The following FAM110A variants were observed in gnomAD, a reference collection of about 807,000 sequenced individuals.
The protein encoded by FAM110A is protein FAM110A.
In FAM110A, 1 loss-of-function variant was observed where a neutral mutation model predicts 4.0. The ratio of observed to expected loss-of-function variants is 0.25; its 90% CI spans 0.09 to 1.20. FAM110A has a LOEUF of 1.20. Ranked by LOEUF, FAM110A falls within the 50% of genes most tolerant of loss-of-function variation. The pLI, the probability that FAM110A is intolerant of heterozygous loss-of-function variation, is 0.50. For missense variants in FAM110A, 436 were observed against 429.2 expected (o/e 1.02, Z -0.14); for synonymous variants, 217 against 196.8 (o/e 1.10, Z -0.86).
chr20:834,480 C>G lies in FAM110A; in HGVS notation c.-98+529C>G, dbSNP rs1261740848. Among the ~76,000 whole-genome samples, 1 of 152,206 alleles carries G rather than the reference C, an allele frequency of 6.6e-6. No individual in the cohort carries two copies. Among genetic ancestry groups the G allele is most frequent in the East Asian group, 1.9e-4 (1 of 5,190 alleles). ...CCGCTGCTGGCCTCTTGGGAATCAT[C>G]CCCAGTTTGGGGAAGGGAATAGAGC... On this transcript the variant is annotated intron_variant, in intron 1 of 1. Transcript: ENST00000381941. The surrounding 1 kb of genome is among the most constrained non-coding windows in gnomAD (Gnocchi z 5.6).
At chr20:843,377 G>T (rs544419210) in intron 1 of FAM110A, among the ~76,000 whole-genome samples, 64 of 152,304 alleles carry the variant, frequency 4.2e-4, no homozygotes, top group Non-Finnish European at 3.2e-4. Flanking sequence ...ACCATGGATG[G>T]AAATGCTGTA....
chr20:837,320 G>C (rs1468240128), intron 1 of FAM110A, among the ~76,000 whole-genome samples: 2 of 152,104 alleles, frequency 1.3e-5, no homozygotes, highest in African/African-American at 4.8e-5. Context: ...AAAGTGCTGG[G>C]ATTACAGGCT....
At chr20:841,668 T>C (rs1385672306) in intron 1 of FAM110A, among the ~76,000 whole-genome samples, 1 of 151,998 alleles carries the variant, frequency 6.6e-6, no homozygotes, top group Non-Finnish European at 1.5e-5. Context: ...CAGGTGGGGA[T>C]GCGCGCCCCC....
rs1980322014 is a variant in FAM110A at position 845,838 on chromosome 20, G to C, written c.*146G>C. The C allele has an allele frequency of 6.9e-7, 1 of 1,453,528 alleles. No homozygotes were observed. Among genetic ancestry groups the C allele is most frequent in the African/African-American group, 1.4e-5 (1 of 70,020 alleles). 90.0% of individuals were successfully genotyped at this position (1,453,528 alleles called of 1,614,324 possible). On this transcript the variant is annotated 3_prime_UTR_variant, in exon 2 of 2. Transcript: ENST00000381941. ...GTATGGAGGCAAAGGCTTAGAGGCTGGACCAGCATTGTTGGGCAAGGACTG... is the reference window on the plus strand; with the variant it reads ...GTATGGAGGCAAAGGCTTAGAGGCTCGACCAGCATTGTTGGGCAAGGACTG...
rs776413924 is a variant in FAM110A at position 845,347 on chromosome 20, G to A, written c.543G>A (p.Pro181=). 1.9e-6 allele frequency: 3 copies of A among 1,596,724 alleles called. No individual in the cohort carries two copies. Among genetic ancestry groups the A allele is most frequent in the African/African-American group, 1.3e-5 (1 of 74,660 alleles). ...GPAAASSPAR[P]PGLQRSKSDL... is the part of the protein sequence containing the mutation. ...CCGCCGCCTCCAGCCCAGCCCGGCC[G>A]CCGGGTTTGCAACGCTCCAAGTCGG... The change falls in exon 2 of 2, where the codon CCG becomes CCA. Residue 181 remains proline (P), a synonymous_variant. Transcript: ENST00000381941.
intron 1 of FAM110A, among the ~76,000 whole-genome samples, chr20:837,098 G>A (rs2122652539): frequency 6.9e-6 from 1 of 145,706 alleles, no homozygotes; most frequent in African/African-American, 2.6e-5. Context: ...TGTCGCCCAG[G>A]CTGGAGTGCA....
At chr20:839,842 T>C (rs1600007529) in intron 1 of FAM110A, 2 of 1,605,272 alleles carry the variant, frequency 1.2e-6, no homozygotes, top group South Asian at 1.1e-5. Flanking sequence ...ATGGCCTTCA[T>C]GACGTGAAGG....
At position 845,566 on chromosome 20, in the gene FAM110A, G is replaced by A. The variant is rs1447581754; in HGVS notation, c.762G>A (p.Val254=). The part of the protein sequence containing the change: ...SEGGCSRRSS[V]TVEERARERV... ...GGGGCTGCTCCCGCCGCAGCTCGGT[G>A]ACTGTTGAGGAGCGGGCCCGGGAGC... The change falls in exon 2 of 2, where the codon GTG becomes GTA. Residue 254 remains valine (V), a synonymous_variant. Transcript: ENST00000381941. 2.5e-6 allele frequency: 4 copies of A among 1,613,808 alleles called. No homozygotes were observed. The South Asian group carries it at 4.4e-5, about 18-fold the overall frequency.
chr20:839,157 C>G (rs992956226), intron 1 of FAM110A, among the ~76,000 whole-genome samples: 1 of 152,076 alleles, frequency 6.6e-6, no homozygotes, highest in Non-Finnish European at 1.5e-5. Context: ...CTGAAAACAC[C>G]GTCTCTTCCA....
intron 1 of FAM110A, among the ~76,000 whole-genome samples, chr20:841,651 AG>A (rs1364790373): frequency 6.6e-6 from 1 of 151,762 alleles, no homozygotes; most frequent in Non-Finnish European, 1.5e-5. Flanking sequence ...GCTAGTGGGG[AG>A]GGGGCCAGGT....
rs1181402211 is a variant in FAM110A, at chr20:834,364, C to T, written c.-98+413C>T. Among the ~76,000 whole-genome samples, 2 of 152,218 alleles carry T rather than the reference C, an allele frequency of 1.3e-5. No individual in the cohort carries two copies. Among genetic ancestry groups the T allele is most frequent in the Admixed American group, 1.3e-4 (2 of 15,286 alleles). On this transcript the variant is annotated intron_variant, in intron 1 of 1. Transcript: ENST00000381941. The surrounding 1 kb of genome is among the most constrained non-coding windows in gnomAD (Gnocchi z 5.6). ...CTCGGCTCATTTGGCGCCTTTCTGT[C>T]TACGGGGACAGAGGACCACTCTTTG...
intron 1 of FAM110A, chr20:839,648 T>TA: frequency 8.4e-7 from 1 of 1,184,958 alleles, no homozygotes; most frequent in Non-Finnish European, 1.3e-6. Context: ...TGCCAGTCTC[T>TA]GGACGGCTGC....
chr20:834,503 A>G lies in FAM110A; in HGVS notation c.-98+552A>G, dbSNP rs989264405. On this transcript the variant is annotated intron_variant, in intron 1 of 1. Transcript: ENST00000381941. This position sits in a 1 kb window ranked among gnomAD's most constrained non-coding sequence, Gnocchi z 5.6. ...ATCCCCAGTTTGGGGAAGGGAATAG[A>G]GCCAGTCCCTAAACCAAAGCCACTA... Among the ~76,000 whole-genome samples, 2 of 152,210 alleles carry G rather than the reference A, an allele frequency of 1.3e-5. No individual in the cohort carries two copies. The highest frequency in any genetic ancestry group is 6.5e-5 in the Admixed American group (1 of 15,286).
intron 1 of FAM110A, among the ~76,000 whole-genome samples, chr20:836,367 C>G (rs939641749): frequency 6.6e-6 from 1 of 152,090 alleles, no homozygotes; most frequent in African/African-American, 2.4e-5. Flanking sequence ...ATTGCCTCTC[C>G]CCCCAGTGCC....
At chr20:841,902 C>T (rs934843022) in intron 1 of FAM110A, among the ~76,000 whole-genome samples, 12 of 152,232 alleles carry the variant, frequency 7.9e-5, no homozygotes, top group Non-Finnish European at 1.5e-5. Flanking sequence ...TGTCTTGGGC[C>T]TGCTTTGTCC....
intron 1 of FAM110A, among the ~76,000 whole-genome samples, chr20:836,825 C>T (rs1436519197): frequency 6.6e-6 from 1 of 152,122 alleles, no homozygotes; most frequent in Non-Finnish European, 1.5e-5. Flanking sequence ...TGTCCATCAG[C>T]AGTGCACAAA....
In FAM110A at chr20:845,493, A is replaced by G. The variant is rs769753721; in HGVS notation, c.689A>G (p.Asp230Gly). ...GCCCACCTGGCACGGGCCAGCTCGG[A>G]TATCGTGTCCCTGGCAGGGCCCAGT... ...GVAHLARASS[D>G]IVSLAGPSAG... is the part of the protein sequence containing the mutation. Residue 230 changes from aspartate (D) to glycine (G), a missense_variant, in exon 2 of 2, where the codon GAT becomes GGT. Transcript: ENST00000381941. The G allele has an allele frequency of 6.2e-7, 1 of 1,612,600 alleles. No homozygotes were observed. Among genetic ancestry groups the G allele is most frequent in the African/African-American group, 1.3e-5 (1 of 74,990 alleles).
chr20:845,025 A>G lies in FAM110A; in HGVS notation c.221A>G (p.Gln74Arg). The change falls in exon 2 of 2, where the codon CAG (glutamine) becomes CGG (arginine). Residue 74 changes from glutamine (Q) to arginine (R), a missense_variant. Coordinates refer to ENST00000381941, the MANE Select transcript of FAM110A (RefSeq NM_001042353.3). ...CCTGTGCAGCCCCTGCTGTCCAAACAGCCGCTCTTTAGCCCTGAGACTCGC... is the reference window on the plus strand; with the variant it reads ...CCTGTGCAGCCCCTGCTGTCCAAACGGCCGCTCTTTAGCCCTGAGACTCGC... ...QEPVQPLLSKQPLFSPETRRT... is the reference protein window; with the variant it reads ...QEPVQPLLSKRPLFSPETRRT... The G allele has an allele frequency of 6.3e-7, 1 of 1,594,876 alleles. No homozygotes were observed. The highest frequency in any genetic ancestry group is 8.5e-7 in the Non-Finnish European group (1 of 1,171,542).
chr20:839,592 G>A (rs1164107753), intron 1 of FAM110A: 4 of 1,031,546 alleles, frequency 3.9e-6, no homozygotes, highest in Non-Finnish European at 6.1e-6. Context: ...TTCCCGTCTT[G>A]TGAGTCTTGC....
Sources: allele counts gnomAD v4.1 joint callset (sites outside exome capture counted in the v4.1 genomes callset), GRCh38; gene constraint gnomAD v4.1.1; non-coding constraint Gnocchi (gnomAD v3.1); transcripts MANE v1.5; gene names NCBI Gene and HGNC (gene_info 2026-07-23, HGNC 2026-07-21).